The following EYS variants were observed in gnomAD, a reference collection of about 807,000 sequenced individuals.
EYS encodes the protein protein eyes shut homolog.
EYS carries 250 observed loss-of-function variants against 282.1 expected under a neutral mutation model. The ratio of observed to expected loss-of-function variants is 0.89; its 90% CI spans 0.80 to 0.98. EYS has a LOEUF of 0.98. Ranked by LOEUF, EYS falls within the 50% of genes least tolerant of loss-of-function variation. EYS has a pLI of 0.00. For missense variants in EYS, 4,016 were observed against 3,709.0 expected (o/e 1.08, Z -2.15); for synonymous variants, 1,355 against 1,282.9 (o/e 1.06, Z -1.20).
chr6:64,540,336 C>A (rs965186667), intron 26 of EYS, among the ~76,000 whole-genome samples: 4 of 152,122 alleles, frequency 2.6e-5, no homozygotes, highest in African/African-American at 9.7e-5. Context: ...TCAAAGTTTT[C>A]TCTTGAGGAA....
At chr6:64,674,117 C>T (rs953232646) in intron 22 of EYS, among the ~76,000 whole-genome samples, 12 of 151,960 alleles carry the variant, frequency 7.9e-5, no homozygotes, top group African/African-American at 2.9e-4. Flanking sequence ...TGCATAGAGG[C>T]CTATGAACTT....
chr6:64,641,688 G>C (rs911471317), intron 22 of EYS, among the ~76,000 whole-genome samples: 2 of 152,164 alleles, frequency 1.3e-5, no homozygotes, highest in Admixed American at 6.5e-5. Flanking sequence ...GCTGGGGACT[G>C]GTACAGGTCC....
intron 26 of EYS, among the ~76,000 whole-genome samples, chr6:64,468,077 C>A (rs972909332): frequency 3.3e-5 from 5 of 152,142 alleles, no homozygotes; most frequent in African/African-American, 9.7e-5. Flanking sequence ...TGAGAACCAG[C>A]CTGCCCAGAC....
intron 35 of EYS, among the ~76,000 whole-genome samples, chr6:63,899,813 A>G (rs1308787053): frequency 1.3e-5 from 2 of 152,240 alleles, no homozygotes; most frequent in Non-Finnish European, 2.9e-5. Flanking sequence ...AAGAATATTT[A>G]TAGCAGAGTG....
intron 26 of EYS, among the ~76,000 whole-genome samples, chr6:64,573,979 A>G (rs549995853): frequency 6.6e-6 from 1 of 152,332 alleles, no homozygotes; most frequent in East Asian, 1.9e-4. Flanking sequence ...ATACACATGT[A>G]TGTTTATTGC....
At chr6:64,879,642 G>A (rs530867189) in intron 19 of EYS, among the ~76,000 whole-genome samples, 1 of 152,068 alleles carries the variant, frequency 6.6e-6, no homozygotes, top group Admixed American at 6.6e-5. Flanking sequence ...AGAGGCACTG[G>A]AAAAGAAGAT....
intron 28 of EYS, among the ~76,000 whole-genome samples, chr6:64,393,103 G>C (rs1265139754): frequency 1.3e-5 from 2 of 152,162 alleles, no homozygotes; most frequent in African/African-American, 4.8e-5. Context: ...TCTCTGAATA[G>C]ACCAATAGCA....
At chr6:63,996,453 T>C (rs1293833705) in intron 34 of EYS, among the ~76,000 whole-genome samples, 3 of 152,062 alleles carry the variant, frequency 2.0e-5, no homozygotes, top group Non-Finnish European at 4.4e-5. Flanking sequence ...CACATAAAAT[T>C]TTGTTGCTTA....
At chr6:63,780,060 C>A (rs1036527083) in intron 39 of EYS, among the ~76,000 whole-genome samples, 5 of 152,182 alleles carry the variant, frequency 3.3e-5, no homozygotes, top group African/African-American at 1.2e-4. Context: ...ATCCATGTCC[C>A]TACAAAGGAC....
intron 22 of EYS, among the ~76,000 whole-genome samples, chr6:64,773,947 T>G (rs1391151125): frequency 6.6e-6 from 1 of 152,034 alleles, no homozygotes; most frequent in Non-Finnish European, 1.5e-5. Flanking sequence ...AGGTCCTATT[T>G]GTCAACTTTT....
intron 12 of EYS, among the ~76,000 whole-genome samples, chr6:65,263,152 G>A (rs2150259575): frequency 6.6e-6 from 1 of 152,068 alleles, no homozygotes; most frequent in Non-Finnish European, 1.5e-5. Context: ...ACCAGCCTGA[G>A]GAACATGGCA....
chr6:64,269,748 A>C (rs1767877579), intron 30 of EYS, among the ~76,000 whole-genome samples: 1 of 151,994 alleles, frequency 6.6e-6, no homozygotes, highest in Non-Finnish European at 1.5e-5. Flanking sequence ...CATTGTTTTT[A>C]ATCTTTAAAT....
chr6:63,859,264 A>T (rs1477411971), intron 36 of EYS, among the ~76,000 whole-genome samples: 2 of 151,890 alleles, frequency 1.3e-5, no homozygotes, highest in Non-Finnish European at 2.9e-5. Flanking sequence ...GCATTATCTC[A>T]TTTAATTCTC....
At chr6:64,699,662 T>C (rs891389974) in intron 22 of EYS, among the ~76,000 whole-genome samples, 2 of 152,002 alleles carry the variant, frequency 1.3e-5, no homozygotes, top group African/African-American at 4.8e-5. Context: ...ATAGAAATCC[T>C]GAATAGATCA....
intron 22 of EYS, among the ~76,000 whole-genome samples, chr6:64,783,277 C>A (rs147110471): frequency 5.4e-4 from 82 of 151,890 alleles, no homozygotes; most frequent in African/African-American, 1.9e-3. Context: ...ATGAACTAAA[C>A]CTTATCCTAT....
chr6:63,880,333 G>A (rs369824698), intron 35 of EYS, among the ~76,000 whole-genome samples: 10 of 152,008 alleles, frequency 6.6e-5, no homozygotes, highest in Non-Finnish European at 1.3e-4. Context: ...CTCAAACATC[G>A]GACTCCAAGT....
intron 26 of EYS, among the ~76,000 whole-genome samples, chr6:64,547,780 C>T (rs765411155): frequency 3.3e-5 from 5 of 152,144 alleles, no homozygotes; most frequent in Admixed American, 6.5e-5. Context: ...CAGGGGGCGG[C>T]GTTGGTCGGG....
chr6:64,211,139 C>G (rs1206901013), intron 31 of EYS, among the ~76,000 whole-genome samples: 2 of 152,090 alleles, frequency 1.3e-5, no homozygotes, highest in African/African-American at 4.8e-5. Context: ...GTGCATGAAC[C>G]CATGCCTCTA....
intron 33 of EYS, among the ~76,000 whole-genome samples, chr6:64,062,294 G>A (rs1582215913): frequency 1.3e-5 from 2 of 152,308 alleles, no homozygotes; most frequent in Admixed American, 1.3e-4. Flanking sequence ...CATCCACAAT[G>A]ACAGGAATCA....
Sources: gnomAD v4.1 joint callset for allele counts (sites outside exome capture counted in the v4.1 genomes callset) on GRCh38, gnomAD v4.1.1 for gene constraint, MANE v1.5 for transcripts, NCBI Gene and HGNC (gene_info 2026-07-23, HGNC 2026-07-21) for gene names.